The following GSTCD variants were observed in gnomAD, a reference collection of about 807,000 sequenced individuals.
GSTCD encodes the protein glutathione S-transferase C-terminal domain-containing protein.
Under a neutral mutation model 68.3 loss-of-function variants are expected in GSTCD, and 44 were observed. The observed-to-expected ratio is 0.64, with a 90% CI of 0.51 to 0.83. The LOEUF (loss-of-function observed/expected upper bound fraction) is 0.83. GSTCD is among the 40% of genes least tolerant of loss of function. The pLI is 0.00. For missense variants in GSTCD, 739 were observed against 735.9 expected, an observed-to-expected ratio of 1.00 and a Z score of -0.05; for synonymous variants, 273 against 255.2, an observed-to-expected ratio of 1.07 and a Z score of -0.67.
Position 105,797,970 on chromosome 4 carries a change from T to C in GSTCD, c.1241-24984T>C, listed in dbSNP as rs141098000. On this transcript the variant is annotated intron_variant, in intron 5 of 11. Transcript: ENST00000515279. ...TTTTAGTAGAGACAGGGTTTCACCA[T>C]GTTGGCCAGGCAGGTCACAATAGAA... is the stretch of plus-strand genomic sequence containing the variant. 2.4e-3 allele frequency among the ~76,000 whole-genome samples: 367 copies of C among 152,162 alleles called. 2 individuals carry two copies. Among genetic ancestry groups the C allele is most frequent in the African/African-American group, 8.6e-3 (356 of 41,516 alleles).
chr4:105,836,176 A>C (rs888776250), intron 9 of GSTCD, among the ~76,000 whole-genome samples: 2 of 151,824 alleles, frequency 1.3e-5, no homozygotes, highest in Non-Finnish European at 2.9e-5. Context: ...AGGTCATCTC[A>C]TCTCATCTCA....
chr4:105,738,389 A>G (rs926107203), intron 5 of GSTCD, among the ~76,000 whole-genome samples: 16 of 152,172 alleles, frequency 1.1e-4, no homozygotes, highest in African/African-American at 3.9e-4. Context: ...GTGGTTATAC[A>G]TGAATTTTAG....
At chr4:105,723,208 T>TG (rs1312046757) in intron 3 of GSTCD, among the ~76,000 whole-genome samples, 21 of 151,954 alleles carry the variant, frequency 1.4e-4, no homozygotes, top group African/African-American at 4.6e-4. Flanking sequence ...CCTTAGCACC[T>TG]AATCTATTTC....
chr4:105,724,743 C>T (rs1560795539), intron 3 of GSTCD, among the ~76,000 whole-genome samples: 1 of 151,952 alleles, frequency 6.6e-6, no homozygotes, highest in African/African-American at 2.4e-5. Context: ...TGATTGCAGA[C>T]TACAGATATT....
chr4:105,748,517 T>A (rs1733890741), intron 5 of GSTCD, among the ~76,000 whole-genome samples: 1 of 152,158 alleles, frequency 6.6e-6, no homozygotes, highest in South Asian at 2.1e-4. Flanking sequence ...AAAATGTTAT[T>A]TAAAGTGTTT....
intron 1 of GSTCD, among the ~76,000 whole-genome samples, chr4:105,716,900 G>T (rs900529112): frequency 6.6e-6 from 1 of 152,134 alleles, no homozygotes; most frequent in African/African-American, 2.4e-5. Context: ...TCTAAGGAGG[G>T]TGGGAAGACC....
intron 5 of GSTCD, among the ~76,000 whole-genome samples, chr4:105,775,600 G>A (rs1735025289): frequency 6.6e-6 from 1 of 152,174 alleles, no homozygotes; most frequent in African/African-American, 2.4e-5. Flanking sequence ...CTAACACTCA[G>A]TCCCGTCTGC....
intron 8 of GSTCD, among the ~76,000 whole-genome samples, chr4:105,828,960 A>G (rs1723782373): frequency 6.6e-6 from 1 of 152,164 alleles, no homozygotes; most frequent in Admixed American, 6.5e-5. Flanking sequence ...CACCAAGTAT[A>G]GAGATATCAG....
chr4:105,742,773 G>A (rs557450397), intron 5 of GSTCD, among the ~76,000 whole-genome samples: 1 of 150,578 alleles, frequency 6.6e-6, no homozygotes, highest in South Asian at 2.1e-4. Flanking sequence ...GAAGTGCAGT[G>A]GCTCAATCAT....
chr4:105,833,453 A>C (rs189333974), intron 8 of GSTCD, among the ~76,000 whole-genome samples: 2 of 150,738 alleles, frequency 1.3e-5, no homozygotes, highest in African/African-American at 4.9e-5. Context: ...ACAAGAGCAA[A>C]ACTCTGTCTC....
chr4:105,825,316 G>T (rs62317698), intron 7 of GSTCD, among the ~76,000 whole-genome samples: 1 of 152,150 alleles, frequency 6.6e-6, no homozygotes, highest in Non-Finnish European at 1.5e-5. Context: ...TTTTAGTAGA[G>T]ACGGGGTTTC....
chr4:105,778,137 A>G (rs1578467056), intron 5 of GSTCD, among the ~76,000 whole-genome samples: 1 of 152,238 alleles, frequency 6.6e-6, no homozygotes. Context: ...AGCCAATGAC[A>G]TGCAATTTCA....
intron 5 of GSTCD, among the ~76,000 whole-genome samples, chr4:105,785,000 T>TTCTCA: frequency 6.6e-6 from 1 of 152,308 alleles, no homozygotes; most frequent in African/African-American, 2.4e-5. Flanking sequence ...TAATAGCTAC[T>TTCTCA]GGTATGCTAC....
chr4:105,794,213 T>A (rs1735784048), intron 5 of GSTCD, among the ~76,000 whole-genome samples: 1 of 151,954 alleles, frequency 6.6e-6, no homozygotes, highest in African/African-American at 2.4e-5. Flanking sequence ...AAGGCAAAAC[T>A]ATGGAGACAG....
chr4:105,823,368 C>T, intron 7 of GSTCD, 93 bp downstream of exon 7: 1 of 1,021,156 alleles, frequency 9.8e-7, no homozygotes, highest in Non-Finnish European at 1.5e-6. Flanking sequence ...AGTTTCTAGT[C>T]ACTCACCCAA....
At chr4:105,812,661 AT>A (rs987378891) in intron 5 of GSTCD, among the ~76,000 whole-genome samples, 1 of 151,848 alleles carries the variant, frequency 6.6e-6, no homozygotes, top group African/African-American at 2.4e-5. Context: ...GAATATATAT[AT>A]TTTTTTTACT....
chr4:105,836,793 T>A (rs1212854946), intron 9 of GSTCD, among the ~76,000 whole-genome samples: 2 of 152,232 alleles, frequency 1.3e-5, no homozygotes, highest in African/African-American at 4.8e-5. Flanking sequence ...ACATTTGTCC[T>A]CCCTTGTCCT....
Position 105,846,134 on chromosome 4 carries a change from T to G in GSTCD, c.*557T>G, listed in dbSNP as rs1031558056. 2.0e-5 allele frequency: 3 copies of G among 152,514 alleles called. No individual in the cohort carries two copies. The highest frequency in any genetic ancestry group is 4.4e-5 in the Non-Finnish European group (3 of 68,352). The allele number at this position is 152,514 out of a possible 1,614,324, so 9.4% of individuals were successfully genotyped here. ...TTTAATATACTCCTTTTAAATATAT[T>G]TCTGCCAGGCATGGTGGCTCATGCC... On this transcript the variant is annotated 3_prime_UTR_variant, in exon 12 of 12. Transcript: ENST00000515279.
At chr4:105,720,153 C>T (rs889665141) in intron 3 of GSTCD, among the ~76,000 whole-genome samples, 1 of 144,130 alleles carries the variant, frequency 6.9e-6, no homozygotes, top group Non-Finnish European at 1.5e-5. Context: ...GAAGATCTCT[C>T]TCTCTCTCTC....
Sources: allele counts gnomAD v4.1 joint callset (sites outside exome capture counted in the v4.1 genomes callset), GRCh38; gene constraint gnomAD v4.1.1; transcripts MANE v1.5; gene names NCBI Gene and HGNC (gene_info 2026-07-23, HGNC 2026-07-21).